The following AGK variants were observed in gnomAD, a reference collection of about 807,000 sequenced individuals.
AGK encodes the protein acylglycerol kinase, also known as acylglycerol kinase, mitochondrial.
In AGK, 52 loss-of-function variants were observed where a neutral mutation model predicts 66.4. The observed-to-expected ratio is 0.78, with a 90% CI of 0.63 to 0.99. The LOEUF is 0.99. Among genes scored for constraint, AGK ranks in the 50% least tolerant of loss-of-function variants. The pLI is 0.00. For synonymous variants in AGK, 182 were observed against 181.1 expected (o/e 1.00, Z -0.04); for missense variants, 451 against 506.6 (o/e 0.89, Z 1.05).
intron 9 of AGK, among the ~76,000 whole-genome samples, chr7:141,631,807 T>G (rs1234808498): frequency 6.6e-6 from 1 of 152,160 alleles, no homozygotes; most frequent in Non-Finnish European, 1.5e-5. Context: ...CCAAAGTCAT[T>G]CAAAGGCCTT....
In AGK at chr7:141,555,379, CAG is replaced by C; in HGVS notation, c.-14-71_-14-70del. The C allele has an allele frequency of 2.1e-6, 2 of 969,950 alleles. No individual in the cohort carries two copies. The highest frequency in any genetic ancestry group is 3.1e-6 in the Non-Finnish European group (2 of 653,894). The allele number at this position is 969,950 out of a possible 1,614,324, so 60.1% of individuals were successfully genotyped here. ...TGAGAGAGGATAAAAGAATGGAAGA[CAG>C]AGTAATAGGGACATTACATGAAGAC... On this transcript the variant is annotated intron_variant, in intron 1 of 15. Coordinates refer to ENST00000649286, the MANE Select transcript of AGK (RefSeq NM_018238.4). The surrounding 1 kb of genome is among the most constrained non-coding windows in gnomAD (Gnocchi z 4.2).
At chr7:141,649,465 C>T (rs1797500405) in intron 14 of AGK, 132 bp downstream of exon 14, 1 of 693,474 alleles carries the variant, frequency 1.4e-6, no homozygotes, top group East Asian at 2.7e-5. Context: ...GATGTTATTT[C>T]TTTCCTATGG....
chr7:141,614,609 T>TTTTTTTTTTTTTTTTTTTTTTTTTTTGAG (rs1554401982), intron 7 of AGK, among the ~76,000 whole-genome samples: 1 of 151,986 alleles, frequency 6.6e-6, no homozygotes, highest in African/African-American at 2.4e-5. Flanking sequence ...TACAGTGTTT[T>TTTTTTTTTTTTTTTTTTTTTTTTTTTGAG]AAAATTCAGA....
chr7:141,588,232 T>G (rs1385153248), intron 2 of AGK, among the ~76,000 whole-genome samples: 1 of 152,212 alleles, frequency 6.6e-6, no homozygotes, highest in Non-Finnish European at 1.5e-5. Context: ...GACCCTACTG[T>G]TAGCAGAAAG....
At chr7:141,593,459 A>T (rs986287957) in intron 3 of AGK, 4 of 687,302 alleles carry the variant, frequency 5.8e-6, no homozygotes, top group Non-Finnish European at 1.1e-5. Context: ...AAGCTCTGGG[A>T]ATTTGTTTGT....
Position 141,593,172 on chromosome 7 carries a change from G to T in AGK, c.128G>T (p.Cys43Phe). 1 of 1,612,252 alleles carries T rather than the reference G, an allele frequency of 6.2e-7. No individual in the cohort carries two copies. The highest frequency in any genetic ancestry group is 8.5e-7 in the Non-Finnish European group (1 of 1,179,634). Residue 43 changes from cysteine (C) to phenylalanine (F), a missense_variant, in exon 3 of 16, where the codon TGT becomes TTT. Coordinates refer to ENST00000649286, the MANE Select transcript of AGK (RefSeq NM_018238.4). ...HCDNLLRRAA[C>F]QEAQVFGNQL... ...GATAACCTCCTAAGGAGAGCAGCCT[G>T]TCAAGAAGCTCAGGTAATACTACTT...
At chr7:141,648,959 C>T (rs192850328) in intron 13 of AGK, among the ~76,000 whole-genome samples, 162 of 151,880 alleles carry the variant, frequency 1.1e-3, no homozygotes, top group Admixed American at 1.6e-3. Flanking sequence ...GAGACTAGAA[C>T]GGCTAATAAT....
intron 6 of AGK, among the ~76,000 whole-genome samples, chr7:141,612,197 T>C (rs116641529): frequency 1.5e-3 from 233 of 152,284 alleles, no homozygotes; most frequent in African/African-American, 5.4e-3. Context: ...CCTAAATGTA[T>C]GTTACTAAGT....
In AGK at chr7:141,654,250, A is replaced by G. The variant is rs1413027969; in HGVS notation, c.*1326A>G. The G allele has an allele frequency of 6.6e-6, 1 of 152,186 alleles. No individual in the cohort carries two copies. The highest frequency in any genetic ancestry group is 2.1e-4 in the South Asian group (1 of 4,834). The allele number at this position is 152,186 out of a possible 1,614,324, so 9.4% of individuals were successfully genotyped here. A position where few individuals can be genotyped will look rare whatever the true frequency, so the allele number is the denominator to read the frequency against. On this transcript the variant is annotated 3_prime_UTR_variant, in exon 16 of 16. Coordinates refer to ENST00000649286, the MANE Select transcript of AGK (RefSeq NM_018238.4). The stretch of plus-strand genomic sequence containing the variant: ...CGGTATTAATTCTTGGATGATTAAA[A>G]GTTTTTTTATTAGAATGTTCTTTAT...
intron 15 of AGK, 91 bp downstream of exon 15, chr7:141,651,700 C>T: frequency 1.7e-6 from 2 of 1,190,690 alleles, no homozygotes; most frequent in Non-Finnish European, 2.5e-6. Context: ...TCTCTGTTAG[C>T]TGACCTAGAC....
chr7:141,569,157 C>A (rs932745153), intron 2 of AGK, among the ~76,000 whole-genome samples: 7 of 152,144 alleles, frequency 4.6e-5, no homozygotes, highest in Non-Finnish European at 1.0e-4. Flanking sequence ...AAAACAGTTT[C>A]TTAGAAGTAG....
At chr7:141,615,682 G>A (rs936065532) in intron 8 of AGK, 117 bp downstream of exon 8, 7 of 822,212 alleles carry the variant, frequency 8.5e-6, no homozygotes, top group African/African-American at 1.7e-5. Context: ...AAATAATTAA[G>A]AGGAGGACCT....
chr7:141,556,737 T>C (rs916786520), intron 2 of AGK, among the ~76,000 whole-genome samples: 9 of 152,166 alleles, frequency 5.9e-5, no homozygotes, highest in Admixed American at 3.9e-4. Flanking sequence ...TGATCTGTCA[T>C]CAAGGGACAC....
intron 8 of AGK, among the ~76,000 whole-genome samples, chr7:141,620,259 A>G (rs554796213): frequency 6.6e-6 from 1 of 152,322 alleles, no homozygotes; most frequent in East Asian, 1.9e-4. Context: ...GGTGATAGTT[A>G]TATGACTGCA....
chr7:141,559,662 C>T (rs987212925), intron 2 of AGK, among the ~76,000 whole-genome samples: 1 of 152,074 alleles, frequency 6.6e-6, no homozygotes, highest in Non-Finnish European at 1.5e-5. Flanking sequence ...ATTGGGATTG[C>T]ATTGAATCTG....
intron 2 of AGK, among the ~76,000 whole-genome samples, chr7:141,571,988 AG>A (rs1694546320): frequency 6.6e-6 from 1 of 152,222 alleles, no homozygotes; most frequent in African/African-American, 2.4e-5. Flanking sequence ...ACAGTGTTCT[AG>A]GTGATATTAA....
At chr7:141,573,316 T>A (rs886102246) in intron 2 of AGK, among the ~76,000 whole-genome samples, 5 of 152,222 alleles carry the variant, frequency 3.3e-5, no homozygotes, top group African/African-American at 4.8e-5. Flanking sequence ...TTCCTTTCTT[T>A]CAACTCTTTT....
chr7:141,585,040 G>T (rs992489734), intron 2 of AGK, among the ~76,000 whole-genome samples: 1 of 152,194 alleles, frequency 6.6e-6, no homozygotes, highest in African/African-American at 2.4e-5. Context: ...AGATAACCTT[G>T]TTTGGTTAAA....
chr7:141,613,928 C>G (rs902449718), intron 6 of AGK, among the ~76,000 whole-genome samples: 5 of 151,830 alleles, frequency 3.3e-5, no homozygotes, highest in Non-Finnish European at 5.9e-5. Flanking sequence ...TTTATCTTAG[C>G]CTTTATTGTA....
Sources: allele counts gnomAD v4.1 joint callset (sites outside exome capture counted in the v4.1 genomes callset), GRCh38; gene constraint gnomAD v4.1.1; non-coding constraint Gnocchi (gnomAD v3.1); transcripts MANE v1.5; gene names NCBI Gene and HGNC (gene_info 2026-07-23, HGNC 2026-07-21).